Variants in COPS2 observed in about 807,000 individuals in gnomAD.
The protein encoded by COPS2 is COP9 signalosome subunit 2.
A neutral mutation model predicts 66.1 loss-of-function variants in COPS2; 10 were observed. The ratio of observed to expected loss-of-function variants is 0.15; its 90% CI spans 0.09 to 0.26. COPS2 has a LOEUF of 0.26. Ranked by LOEUF, COPS2 falls within the 10% of genes least tolerant of loss-of-function variation. The probability of loss-of-function intolerance (pLI) is 1.00; values close to 1 mark genes in which losing one functional copy is unlikely to be tolerated. For missense variants in COPS2, 215 were observed against 513.3 expected (o/e 0.42, Z 5.62); for synonymous variants, 179 against 171.3 (o/e 1.04, Z -0.35).
chr15:49,136,238 A>G (rs1259799058), intron 6 of COPS2, among the ~76,000 whole-genome samples: 1 of 152,220 alleles, frequency 6.6e-6, no homozygotes, highest in African/African-American at 2.4e-5. Context: ...AGAGTTTAAA[A>G]ATATTTAAAG....
Position 49,128,691 on chromosome 15 carries a change from A to G in COPS2, c.1187+11T>C, listed in dbSNP as rs368462867. 1.4e-5 allele frequency: 22 copies of G among 1,569,866 alleles called. No individual in the cohort carries two copies. Among genetic ancestry groups the G allele is most frequent in the South Asian group, 3.5e-5 (3 of 86,418 alleles). On this transcript the variant is annotated intron_variant, in intron 12 of 12. Coordinates refer to ENST00000388901, the MANE Select transcript of COPS2 (RefSeq NM_004236.4). ...CAAATATTTTGTGATAAAAAATAGT[A>G]AAGTACTTACTTATCCAATATGCAC...
In COPS2 at chr15:49,128,065, T is replaced by C; in HGVS notation, c.1217A>G (p.Asn406Ser). The change falls in exon 13 of 13, where the codon AAC (asparagine) becomes AGC (serine). Residue 406 changes from asparagine (N) to serine (S), a missense_variant. Around this residue, in one of 5 missense-constraint regions of COPS2, gnomAD observed 42 missense variants for 55.9 expected, o/e 0.75. Coordinates refer to ENST00000388901, the MANE Select transcript of COPS2 (RefSeq NM_004236.4). Reference protein sequence around the residue: ...NTIHGRIDQVNQLLELDHQKR... With the variant: ...NTIHGRIDQVSQLLELDHQKR... ...CTGATGATCCAGTTCAAGGAGTTGG[T>C]TGACTTGATCAATTCGGCCATGAAT... 1 of 1,613,914 alleles carries C rather than the reference T, an allele frequency of 6.2e-7. No individual in the cohort carries two copies.
chr15:49,133,596 T>C (rs1233719073), intron 9 of COPS2, among the ~76,000 whole-genome samples, 163 bp downstream of exon 9: 5 of 152,092 alleles, frequency 3.3e-5, no homozygotes, highest in Admixed American at 3.3e-4. Context: ...CTACAGAAAA[T>C]AGCGTAATAA....
Position 49,124,533 on chromosome 15 carries a change from G to C in COPS2, c.*3417C>G, listed in dbSNP as rs2084149836. 6.6e-6 allele frequency: 1 copy of C among 152,090 alleles called. No homozygotes were observed. Among genetic ancestry groups the C allele is most frequent in the Non-Finnish European group, 1.5e-5 (1 of 68,012 alleles). 9.4% of individuals were successfully genotyped at this position (152,090 alleles called of 1,614,324 possible). On this transcript the variant is annotated 3_prime_UTR_variant, in exon 13 of 13. Coordinates refer to ENST00000388901, the MANE Select transcript of COPS2 (RefSeq NM_004236.4). ...TTTTAATTGTGGTCACATAAATGAA[G>C]ACCAAATGCCTTTTGCGTCACATTC...
intron 11 of COPS2, among the ~76,000 whole-genome samples, chr15:49,129,037 A>G (rs970815971): frequency 6.6e-6 from 1 of 152,174 alleles, no homozygotes; most frequent in African/African-American, 2.4e-5. Flanking sequence ...TTTCCCCTAC[A>G]ATTTTCTCTG....
intron 1 of COPS2, among the ~76,000 whole-genome samples, chr15:49,154,601 A>C (rs1426636148): frequency 6.6e-6 from 1 of 152,228 alleles, no homozygotes; most frequent in Admixed American, 6.5e-5. Flanking sequence ...GAACCATATG[A>C]AACACCCCCA....
rs2084179629 is a variant in COPS2, at chr15:49,127,874, T to C, written c.*76A>G. The C allele has an allele frequency of 7.0e-7, 1 of 1,431,434 alleles. No homozygotes were observed. 88.7% of individuals were successfully genotyped at this position (1,431,434 alleles called of 1,614,324 possible). On this transcript the variant is annotated 3_prime_UTR_variant, in exon 13 of 13. Transcript: ENST00000388901. Reference sequence around the variant, plus strand: ...CAGGACACATCAACCGACAGTAGTTTTGCCATTCCCAGTTCTTTTAAGGAT... The same window carrying C: ...CAGGACACATCAACCGACAGTAGTTCTGCCATTCCCAGTTCTTTTAAGGAT...
intron 10 of COPS2, among the ~76,000 whole-genome samples, chr15:49,130,353 T>C (rs1157477476): frequency 1.3e-5 from 2 of 152,194 alleles, no homozygotes; most frequent in Non-Finnish European, 2.9e-5. Flanking sequence ...GCATTATCTA[T>C]AGCAGGATAT....
chr15:49,126,119 T>TA lies in COPS2; in HGVS notation c.*1830dup, dbSNP rs35618856. On this transcript the variant is annotated 3_prime_UTR_variant, in exon 13 of 13. Transcript: ENST00000388901. Reference sequence around the variant, plus strand: ...TAAATCCTAATTAATATCACTCTTGTAAAAAAAGTTTAGCACACTTTTCAC... The same window carrying TA: ...TAAATCCTAATTAATATCACTCTTGTAAAAAAAAGTTTAGCACACTTTTCAC... 3 of 152,546 alleles carry TA rather than the reference T, an allele frequency of 2.0e-5. No individual in the cohort carries two copies. Among genetic ancestry groups the TA allele is most frequent in the South Asian group, 2.1e-4 (1 of 4,824 alleles). The allele number at this position is 152,546 out of a possible 1,614,324, so 9.4% of individuals were successfully genotyped here.
In COPS2 at chr15:49,128,755, T is replaced by C; in HGVS notation, c.1134A>G (p.Leu378=). 1 of 1,604,600 alleles carries C rather than the reference T, an allele frequency of 6.2e-7. No homozygotes were observed. Among genetic ancestry groups the C allele is most frequent in the Non-Finnish European group, 8.5e-7 (1 of 1,172,840 alleles). The change falls in exon 12 of 13, where the codon TTA becomes TTG. Residue 378 remains leucine, a synonymous_variant. Coordinates refer to ENST00000388901, the MANE Select transcript of COPS2 (RefSeq NM_004236.4). ...TCTCCACATCAGCTACATCTATGTTTAACTCCTAAGACAAAAGACTTGTTA... is the reference window on the plus strand; with the variant it reads ...TCTCCACATCAGCTACATCTATGTTCAACTCCTAAGACAAAAGACTTGTTA... ...RIHIPFISKE[L]NIDVADVESL... is the part of the protein sequence containing the mutation.
intron 1 of COPS2, among the ~76,000 whole-genome samples, chr15:49,149,511 A>G (rs1424319167): frequency 2.6e-5 from 4 of 152,220 alleles, no homozygotes; most frequent in Non-Finnish European, 4.4e-5. Flanking sequence ...AACTTCTCAG[A>G]AGCAGGAACT....
intron 11 of COPS2, 33 bp from the exon 12 acceptor site, chr15:49,128,793 C>T (rs768655623): frequency 7.3e-7 from 1 of 1,370,252 alleles, no homozygotes; most frequent in South Asian, 1.3e-5. Context: ...TACCAATTAA[C>T]ATTTTAAAGA....
At chr15:49,151,558 CAGTT>C (rs931260240) in intron 1 of COPS2, among the ~76,000 whole-genome samples, 44 of 152,234 alleles carry the variant, frequency 2.9e-4, no homozygotes, top group Admixed American at 7.2e-4. Context: ...GGAATTAAAA[CAGTT>C]AGCTTATCAA....
intron 1 of COPS2, among the ~76,000 whole-genome samples, chr15:49,147,889 T>C (rs918778688): frequency 1.3e-5 from 2 of 152,218 alleles, no homozygotes; most frequent in Admixed American, 6.5e-5. Context: ...ACAAATGTTA[T>C]TGCTAAAATA....
rs1195134282 is a variant in COPS2, at chr15:49,127,064, TGA to T, written c.*884_*885del. The T allele has an allele frequency of 6.6e-6, 1 of 152,134 alleles. No homozygotes were observed. The highest frequency in any genetic ancestry group is 1.5e-5 in the Non-Finnish European group (1 of 67,978). The allele number at this position is 152,134 out of a possible 1,614,324, so 9.4% of individuals were successfully genotyped here. ...GCATATTCGTTTAAAGTGAACATTC[TGA>T]GAGTTAGTATTCTTTTGAAAAGGAA... On this transcript the variant is annotated 3_prime_UTR_variant, in exon 13 of 13. Transcript: ENST00000388901.
chr15:49,148,484 GC>G (rs1332712686), intron 1 of COPS2, among the ~76,000 whole-genome samples: 6 of 152,168 alleles, frequency 3.9e-5, no homozygotes, highest in African/African-American at 1.4e-4. Flanking sequence ...ACATGCAAAT[GC>G]AAGGAAGCTT....
rs1475466951 is a variant in COPS2, at chr15:49,150,871, T to TATAG, written c.54+4653_54+4654insCTAT. Among the ~76,000 whole-genome samples the TATAG allele has an allele frequency of 3.3e-5, 5 of 152,124 alleles. No individual in the cohort carries two copies. The East Asian group carries it at 9.6e-4, about 29-fold the overall frequency. On this transcript the variant is annotated intron_variant, in intron 1 of 12. Coordinates refer to ENST00000388901, the MANE Select transcript of COPS2 (RefSeq NM_004236.4). ...AACCCTTGTAATACGAACTTATCTA[T>TATAG]ATAACTAACCTGCACATGTACCCTT...
intron 10 of COPS2, among the ~76,000 whole-genome samples, chr15:49,130,012 A>C (rs2084196862): frequency 6.6e-6 from 1 of 152,174 alleles, no homozygotes; most frequent in Non-Finnish European, 1.5e-5. Context: ...AAATTCATGT[A>C]CAAAGATTCT....
In COPS2 at chr15:49,127,184, T is replaced by C. The variant is rs1015286656; in HGVS notation, c.*766A>G. 2 of 152,250 alleles carry C rather than the reference T, an allele frequency of 1.3e-5. No individual in the cohort carries two copies. The highest frequency in any genetic ancestry group is 2.9e-5 in the Non-Finnish European group (2 of 68,016). 9.4% of individuals were successfully genotyped at this position (152,250 alleles called of 1,614,324 possible). A position where few individuals can be genotyped will look rare whatever the true frequency, so the allele number is the denominator to read the frequency against. On this transcript the variant is annotated 3_prime_UTR_variant, in exon 13 of 13. Coordinates refer to ENST00000388901, the MANE Select transcript of COPS2 (RefSeq NM_004236.4). ...TGTTAGAAAGTAGTTCTCCTTACTC[T>C]ATCAATAAAGACTACTTTTAAAAAC...
Sources: gnomAD v4.1 joint callset for allele counts (sites outside exome capture counted in the v4.1 genomes callset) on GRCh38, gnomAD v4.1.1 for gene constraint, gnomAD v4.1.1 regional missense constraint, MANE v1.5 for transcripts, NCBI Gene and HGNC (gene_info 2026-07-23, HGNC 2026-07-21) for gene names.